TSGA10: variants seen among roughly 807,000 people sequenced by gnomAD.
TSGA10 encodes the protein testis-specific gene 10 protein.
In TSGA10, 43 loss-of-function variants were observed where a neutral mutation model predicts 96.6. That is an observed-to-expected ratio of 0.44 (90% confidence interval 0.35 to 0.57). The LOEUF (loss-of-function observed/expected upper bound fraction) is 0.57. TSGA10 is among the 20% of genes least tolerant of loss of function. The pLI, the probability that TSGA10 is intolerant of heterozygous loss-of-function variation, is 0.01. For synonymous variants in TSGA10, 229 were observed against 269.9 expected (o/e 0.85, Z 1.48); for missense variants, 703 against 834.4 (o/e 0.84, Z 1.94).
intron 20 of TSGA10, 68 bp downstream of exon 20, chr2:99,018,131 AC>A (rs2079691588): frequency 3.3e-6 from 5 of 1,515,792 alleles, no homozygotes; most frequent in Non-Finnish European, 4.5e-6. Flanking sequence ...TTTCCTTATT[AC>A]CCCAAATGTT....
intron 11 of TSGA10, among the ~76,000 whole-genome samples, chr2:99,080,361 C>G (rs1240710138): frequency 2.6e-5 from 4 of 152,188 alleles, no homozygotes; most frequent in African/African-American, 9.6e-5. Context: ...CAAAATAACA[C>G]TCACTTCTGG....
In TSGA10 at chr2:99,071,609, G is replaced by C. The variant is rs1312957077; in HGVS notation, c.1107+97C>G. The C allele has an allele frequency of 2.6e-6, 3 of 1,162,174 alleles. No homozygotes were observed. The African/African-American group carries it at 4.7e-5, about 18-fold the overall frequency. The allele number at this position is 1,162,174 out of a possible 1,614,324, so 72.0% of individuals were successfully genotyped here. ...TAAAAAAAAGAAAAGGCTAGTTCCA[G>C]TGTCTGAGCTCTTCTATAAAATAAA... On this transcript the variant is annotated intron_variant, in intron 14 of 20. Coordinates refer to ENST00000393483, the MANE Select transcript of TSGA10 (RefSeq NM_025244.4).
Position 99,052,734 on chromosome 2 carries a change from T to A in TSGA10, c.1404+12205A>T, listed in dbSNP as rs190128032. On this transcript the variant is annotated intron_variant, in intron 16 of 20. Transcript: ENST00000393483. ...GCCTGGGTGACAGAGCGAGACTCCA[T>A]CTCAATTTAAAAAAAAAAATTAAAA... is the stretch of plus-strand genomic sequence containing the variant. Among the ~76,000 whole-genome samples the A allele has an allele frequency of 3.1e-4, 46 of 150,662 alleles. No homozygotes were observed. In the East Asian group the frequency reaches 6.4e-3, roughly 21 times the overall value.
At chr2:98,998,715 T>C (rs917872102) in intron 20 of TSGA10, among the ~76,000 whole-genome samples, 6 of 152,114 alleles carry the variant, frequency 3.9e-5, no homozygotes, top group African/African-American at 7.2e-5. Flanking sequence ...TACAAACAAA[T>C]GAGTGCATCT....
At chr2:99,131,510 G>A (rs1456096984) in intron 1 of TSGA10, among the ~76,000 whole-genome samples, 1 of 152,158 alleles carries the variant, frequency 6.6e-6, no homozygotes, top group Admixed American at 6.5e-5. Flanking sequence ...TCAGCTTAAG[G>A]AGATTTTGGG....
chr2:99,014,688 A>G (rs912641142), intron 20 of TSGA10, among the ~76,000 whole-genome samples: 1 of 152,190 alleles, frequency 6.6e-6, no homozygotes, highest in Non-Finnish European at 1.5e-5. Context: ...ACAAAAGATA[A>G]ATCAAACAAA....
chr2:99,011,204 C>T (rs2078971460), intron 20 of TSGA10, among the ~76,000 whole-genome samples: 1 of 152,188 alleles, frequency 6.6e-6, no homozygotes, highest in Non-Finnish European at 1.5e-5. Context: ...GCAATCTCTG[C>T]TCACTGCAAC....
chr2:99,094,404 CTTAA>C (rs1384215746), intron 10 of TSGA10, among the ~76,000 whole-genome samples: 1 of 151,834 alleles, frequency 6.6e-6, no homozygotes, highest in Non-Finnish European at 1.5e-5. Context: ...GTAGGTAGGA[CTTAA>C]TTAAACTAAA....
intron 1 of TSGA10, among the ~76,000 whole-genome samples, chr2:99,129,813 G>C (rs1006327080): frequency 6.6e-6 from 1 of 152,108 alleles, no homozygotes; most frequent in African/African-American, 2.4e-5. Context: ...ACAGGCCCTG[G>C]TATATGATGT....
chr2:99,075,330 CT>C (rs1302545134), intron 12 of TSGA10, among the ~76,000 whole-genome samples: 1 of 152,118 alleles, frequency 6.6e-6, no homozygotes, highest in Non-Finnish European at 1.5e-5. Context: ...AAAATTCAGT[CT>C]GGACAGGATG....
intron 16 of TSGA10, among the ~76,000 whole-genome samples, chr2:99,063,696 C>T (rs1185094291): frequency 6.6e-6 from 1 of 151,838 alleles, no homozygotes; most frequent in Non-Finnish European, 1.5e-5. Context: ...GTCCCAGCTA[C>T]TTGGGAGGTT....
intron 17 of TSGA10, among the ~76,000 whole-genome samples, chr2:99,026,978 G>T (rs1269669370): frequency 1.3e-5 from 2 of 152,208 alleles, no homozygotes; most frequent in East Asian, 3.9e-4. Flanking sequence ...GCATTAGTTA[G>T]ATTCTCACAA....
chr2:99,077,377 T>C (rs143561915), intron 12 of TSGA10, among the ~76,000 whole-genome samples: 1 of 152,084 alleles, frequency 6.6e-6, no homozygotes, highest in Middle Eastern at 3.2e-3. Context: ...AATGGATGGA[T>C]GGAAACATAA....
At chr2:99,123,501 C>T (rs1227442428) in intron 2 of TSGA10, among the ~76,000 whole-genome samples, 4 of 152,042 alleles carry the variant, frequency 2.6e-5, no homozygotes, top group Non-Finnish European at 4.4e-5. Flanking sequence ...TTTTCAGTTA[C>T]TTTATTTTTA....
chr2:99,031,102 A>G (rs2081088745), intron 17 of TSGA10, among the ~76,000 whole-genome samples: 1 of 152,068 alleles, frequency 6.6e-6, no homozygotes, highest in Non-Finnish European at 1.5e-5. Context: ...TAACTACAGT[A>G]AACAAAATTC....
intron 18 of TSGA10, among the ~76,000 whole-genome samples, chr2:99,019,655 G>A (rs960216761): frequency 6.6e-6 from 1 of 152,128 alleles, no homozygotes; most frequent in Non-Finnish European, 1.5e-5. Context: ...GATGGGACAG[G>A]TAAGAACAGG....
chr2:99,052,990 A>G (rs912025812), intron 16 of TSGA10, among the ~76,000 whole-genome samples: 4 of 152,038 alleles, frequency 2.6e-5, no homozygotes, highest in African/African-American at 9.7e-5. Context: ...TGAGCCCGAG[A>G]GACAGATATT....
chr2:99,018,340 G>C lies in TSGA10; in HGVS notation c.1932C>G (p.Ala644=), dbSNP rs748720493. 1 of 1,613,868 alleles carries C rather than the reference G, an allele frequency of 6.2e-7. No homozygotes were observed. Among genetic ancestry groups the C allele is most frequent in the South Asian group, 1.1e-5 (1 of 91,054 alleles). Residue 644 remains alanine, a synonymous_variant, in exon 20 of 21, where the codon GCC becomes GCG. Coordinates refer to ENST00000393483, the MANE Select transcript of TSGA10 (RefSeq NM_025244.4). ...AATTTTGGCGGCGAAGTTCTTGTACGGCCCTCTCCCTAAAGCAAAATAGTG... is the reference window on the plus strand; with the variant it reads ...AATTTTGGCGGCGAAGTTCTTGTACCGCCCTCTCCCTAAAGCAAAATAGTG... ...LGTERFERER[A]VQELRRQNYS... is the part of the protein sequence containing the mutation.
Position 99,071,774 on chromosome 2 carries a change from T to G in TSGA10, c.1039A>C (p.Arg347=). Residue 347 remains arginine (R), a synonymous_variant, in exon 14 of 21, where the codon AGA becomes CGA. Transcript: ENST00000393483. ...NDELAQIARE[R]DILAHDNDNL... is the part of the protein sequence containing the mutation. ...TCATTGTCATGAGCCAAGATATCTCTTTCCCTGGCGATCTGGGCCAGCTCA... is the reference window on the plus strand; with the variant it reads ...TCATTGTCATGAGCCAAGATATCTCGTTCCCTGGCGATCTGGGCCAGCTCA... 6.2e-7 allele frequency: 1 copy of G among 1,613,928 alleles called. No individual in the cohort carries two copies. Among genetic ancestry groups the G allele is most frequent in the Non-Finnish European group, 8.5e-7 (1 of 1,179,818 alleles).
Sources: allele counts gnomAD v4.1 joint callset (sites outside exome capture counted in the v4.1 genomes callset), GRCh38; gene constraint gnomAD v4.1.1; transcripts MANE v1.5; gene names NCBI Gene and HGNC (gene_info 2026-07-23, HGNC 2026-07-21).